ADCY8: variants seen among roughly 807,000 people sequenced by gnomAD.
The protein encoded by ADCY8 is adenylate cyclase 8.
ADCY8 carries 51 observed loss-of-function variants against 119.7 expected under a neutral mutation model. The ratio of observed to expected loss-of-function variants is 0.43; its 90% CI spans 0.34 to 0.54. The LOEUF (loss-of-function observed/expected upper bound fraction) is 0.54. Among genes scored for constraint, ADCY8 ranks in the 20% least tolerant of loss-of-function variants. ADCY8 has a pLI of 0.03. For missense variants in ADCY8, 1,383 were observed against 1,598.8 expected (o/e 0.87, Z 2.30); for synonymous variants, 665 against 651.0 (o/e 1.02, Z -0.33).
chr8:130,831,415 TA>T (rs2130243598), intron 12 of ADCY8, among the ~76,000 whole-genome samples: 1 of 152,284 alleles, frequency 6.6e-6, no homozygotes, highest in South Asian at 2.1e-4. Flanking sequence ...AATGCAATAA[TA>T]AACACTTAAG....
At chr8:130,858,074 T>C (rs927253750) in intron 9 of ADCY8, among the ~76,000 whole-genome samples, 3 of 152,252 alleles carry the variant, frequency 2.0e-5, no homozygotes, top group Admixed American at 2.0e-4. Flanking sequence ...ATGATCCTAA[T>C]AGTGTTTGAT....
intron 12 of ADCY8, among the ~76,000 whole-genome samples, chr8:130,822,253 T>C (rs1282390815): frequency 1.3e-5 from 2 of 152,136 alleles, no homozygotes; most frequent in Non-Finnish European, 2.9e-5. Flanking sequence ...TCCTAAAAGA[T>C]AAGGCTTCAC....
intron 1 of ADCY8, among the ~76,000 whole-genome samples, chr8:131,024,664 C>A (rs945627165): frequency 6.6e-6 from 1 of 152,158 alleles, no homozygotes; most frequent in South Asian, 2.1e-4. Flanking sequence ...AATTGTTTGT[C>A]AATTAATTAT....
At chr8:130,794,048 CA>C (rs1815503406) in intron 15 of ADCY8, among the ~76,000 whole-genome samples, 1 of 152,098 alleles carries the variant, frequency 6.6e-6, no homozygotes, top group Non-Finnish European at 1.5e-5. Flanking sequence ...GAGACACACA[CA>C]GGGACAAAGA....
rs186924626 is a variant in ADCY8 at position 130,853,636 on chromosome 8, C to T, written c.2211-3833G>A. ...AACTTATGTGTAATCTTTGGCATGG[C>T]GGGGAGTTCATCAGGGTATCTATAG... On this transcript the variant is annotated intron_variant, in intron 9 of 17. Transcript: ENST00000286355. Among the ~76,000 whole-genome samples, 61 of 148,608 alleles carry T rather than the reference C, an allele frequency of 4.1e-4. 1 individual carries two copies. The East Asian group carries it at 5.3e-3, about 13-fold the overall frequency.
At chr8:130,916,759 C>T (rs1315704234) in intron 5 of ADCY8, among the ~76,000 whole-genome samples, 1 of 152,228 alleles carries the variant, frequency 6.6e-6, no homozygotes, top group Non-Finnish European at 1.5e-5. Flanking sequence ...CGGCCCATCC[C>T]TTCGTTTCCC....
intron 14 of ADCY8, among the ~76,000 whole-genome samples, chr8:130,801,099 C>G (rs146700926): frequency 3.3e-5 from 5 of 152,338 alleles, no homozygotes; most frequent in African/African-American, 1.2e-4. Flanking sequence ...ACCACAGTCA[C>G]AGCATCATCA....
At chr8:130,919,058 G>A (rs757322828) in intron 5 of ADCY8, among the ~76,000 whole-genome samples, 2 of 152,110 alleles carry the variant, frequency 1.3e-5, no homozygotes, top group Admixed American at 6.5e-5. Context: ...GTGACAGTCC[G>A]TCTCCAAAAA....
intron 15 of ADCY8, among the ~76,000 whole-genome samples, chr8:130,787,146 T>TA (rs1815273579): frequency 6.6e-6 from 1 of 152,074 alleles, no homozygotes; most frequent in Admixed American, 6.6e-5. Flanking sequence ...TGGGTCTCTA[T>TA]GCTAAGAGTA....
At chr8:130,938,434 T>C (rs374579294) in intron 4 of ADCY8, among the ~76,000 whole-genome samples, 4 of 152,170 alleles carry the variant, frequency 2.6e-5, no homozygotes, top group Admixed American at 6.5e-5. Context: ...GGGCAGCTTG[T>C]TGGGGCTGAA....
At chr8:130,805,607 G>T (rs1815923968) in intron 14 of ADCY8, among the ~76,000 whole-genome samples, 1 of 152,204 alleles carries the variant, frequency 6.6e-6, no homozygotes, top group African/African-American at 2.4e-5. Flanking sequence ...GATGGAGGGA[G>T]TGGCTACAGG....
chr8:130,844,690 G>GCACA (rs1173501013), intron 11 of ADCY8, among the ~76,000 whole-genome samples: 3 of 152,146 alleles, frequency 2.0e-5, no homozygotes, highest in South Asian at 2.1e-4. Context: ...ACACGTATAT[G>GCACA]CACACACACA....
chr8:130,995,886 A>C (rs950771443), intron 1 of ADCY8, among the ~76,000 whole-genome samples: 2 of 152,160 alleles, frequency 1.3e-5, no homozygotes, highest in Admixed American at 1.3e-4. Context: ...AATAATACAG[A>C]GATGATGTTT....
chr8:131,035,302 T>C (rs778440846), intron 1 of ADCY8, among the ~76,000 whole-genome samples: 39 of 152,164 alleles, frequency 2.6e-4, no homozygotes, highest in Non-Finnish European at 5.0e-4. Context: ...CCCTTCAAAC[T>C]GGGTTTTGAG....
chr8:130,919,100 T>A (rs961158120), intron 5 of ADCY8, among the ~76,000 whole-genome samples: 1 of 152,160 alleles, frequency 6.6e-6, no homozygotes, highest in African/African-American at 2.4e-5. Context: ...AGGTGTTCCA[T>A]GAGAGAAGTC....
At chr8:130,945,170 G>T (rs971606079) in intron 3 of ADCY8, among the ~76,000 whole-genome samples, 1 of 152,214 alleles carries the variant, frequency 6.6e-6, no homozygotes, top group Non-Finnish European at 1.5e-5. Context: ...GTATCACTGA[G>T]CAAGGAGGCT....
intron 1 of ADCY8, among the ~76,000 whole-genome samples, chr8:131,011,225 A>G (rs1823292777): frequency 6.6e-6 from 1 of 152,210 alleles, no homozygotes; most frequent in Non-Finnish European, 1.5e-5. Context: ...GTCAGAAAAG[A>G]ATCAGGTATA....
At chr8:131,027,925 A>G (rs1421774124) in intron 1 of ADCY8, among the ~76,000 whole-genome samples, 1 of 152,202 alleles carries the variant, frequency 6.6e-6, no homozygotes, top group Non-Finnish European at 1.5e-5. Flanking sequence ...GCACTACACT[A>G]TGCTGTAGAG....
chr8:130,978,103 A>T (rs1428851921), intron 2 of ADCY8, among the ~76,000 whole-genome samples: 3 of 152,116 alleles, frequency 2.0e-5, no homozygotes, highest in Non-Finnish European at 4.4e-5. Flanking sequence ...AGAAACTGAA[A>T]ATGACTATAA....
Sources: allele counts gnomAD v4.1 joint callset (sites outside exome capture counted in the v4.1 genomes callset), GRCh38; gene constraint gnomAD v4.1.1; transcripts MANE v1.5; gene names NCBI Gene and HGNC (gene_info 2026-07-23, HGNC 2026-07-21).